AIMP1: variants seen among roughly 807,000 people sequenced by gnomAD.
AIMP1 encodes the protein aminoacyl tRNA synthase complex-interacting multifunctional protein 1.
AIMP1 carries 24 observed loss-of-function variants against 33.1 expected under a neutral mutation model. The observed-to-expected ratio is 0.73, with a 90% CI of 0.53 to 1.02. AIMP1 has a LOEUF of 1.02. Among genes scored for constraint, AIMP1 ranks in the 50% least tolerant of loss-of-function variants. The pLI is 0.00. For missense variants in AIMP1, 367 were observed against 364.8 expected, an observed-to-expected ratio of 1.01 and a Z score of -0.05; for synonymous variants, 120 against 121.5, an observed-to-expected ratio of 0.99 and a Z score of 0.08.
At chr4:106,336,843 T>C (rs759040897) in intron 5 of AIMP1, 26 bp from the exon 6 acceptor site, 1 of 1,607,064 alleles carries the variant, frequency 6.2e-7, no homozygotes, top group South Asian at 1.1e-5. Flanking sequence ...TGTACATCTT[T>C]ACTTACCAGT....
intron 6 of AIMP1, among the ~76,000 whole-genome samples, chr4:106,340,249 A>C (rs1770045851): frequency 6.6e-6 from 1 of 151,680 alleles, no homozygotes; most frequent in Non-Finnish European, 1.5e-5. Context: ...TTATTTTGTA[A>C]TGGTGCAATA....
In AIMP1 at chr4:106,327,339, A is replaced by C. The variant is rs1288218457; in HGVS notation, c.110-112A>C. 5 of 746,404 alleles carry C rather than the reference A, an allele frequency of 6.7e-6. No homozygotes were observed. In the Admixed American group the frequency reaches 1.1e-4, roughly 16 times the overall value. The allele number at this position is 746,404 out of a possible 1,614,324, so 46.2% of individuals were successfully genotyped here. A position where few individuals can be genotyped will look rare whatever the true frequency, so the allele number is the denominator to read the frequency against. On this transcript the variant is annotated intron_variant, in intron 2 of 6. Transcript: ENST00000672341. ...AGGCACTGGCCAAACATTTGGTTAC[A>C]CTAGAGCTAGTATTATCCTAGCTGT...
At chr4:106,334,208 A>C (rs560517758) in intron 5 of AIMP1, among the ~76,000 whole-genome samples, 1 of 152,262 alleles carries the variant, frequency 6.6e-6, no homozygotes, top group African/African-American at 2.4e-5. Context: ...GTATTTATTA[A>C]GCACCAAGCA....
At chr4:106,335,768 A>G (rs1477635474) in intron 5 of AIMP1, among the ~76,000 whole-genome samples, 1 of 151,982 alleles carries the variant, frequency 6.6e-6, no homozygotes, top group South Asian at 2.1e-4. Context: ...AAATTTGCAT[A>G]TAACATTTAT....
chr4:106,346,029 C>T (rs1770283890), intron 6 of AIMP1, among the ~76,000 whole-genome samples: 1 of 151,480 alleles, frequency 6.6e-6, no homozygotes. Flanking sequence ...AATTATACTT[C>T]AGCAATTTTT....
At chr4:106,324,252 A>G (rs995430942) in intron 1 of AIMP1, among the ~76,000 whole-genome samples, 4 of 152,050 alleles carry the variant, frequency 2.6e-5, no homozygotes, top group African/African-American at 9.6e-5. Context: ...AGAACAGTTC[A>G]TAGTATTACT....
chr4:106,338,542 G>A (rs1769979028), intron 6 of AIMP1, among the ~76,000 whole-genome samples: 1 of 152,216 alleles, frequency 6.6e-6, no homozygotes, highest in Non-Finnish European at 1.5e-5. Flanking sequence ...CAGAGGCACA[G>A]AACTGAGGTT....
At chr4:106,336,140 C>T (rs1435386235) in intron 5 of AIMP1, among the ~76,000 whole-genome samples, 1 of 144,764 alleles carries the variant, frequency 6.9e-6, no homozygotes, top group Admixed American at 7.2e-5. Context: ...TCAAGCGATC[C>T]TTCCACCTCA....
intron 1 of AIMP1, chr4:106,321,500 C>T (rs1012895707): frequency 6.4e-6 from 1 of 155,934 alleles, no homozygotes; most frequent in Non-Finnish European, 1.4e-5. Context: ...TGAGGAGCCC[C>T]TCCGCCCGGC....
At position 106,328,071 on chromosome 4, in the gene AIMP1, C is replaced by A; in HGVS notation, c.224-5C>A. On this transcript the variant is annotated splice_polypyrimidine_tract_variant and splice_region_variant and intron_variant, in intron 3 of 6. Transcript: ENST00000672341. Reference sequence around the variant, plus strand: ...TGAATGACATTATTTCATTTTCTGTCTCAGTGAAGCAAATACCATTTCCAT... The same window carrying A: ...TGAATGACATTATTTCATTTTCTGTATCAGTGAAGCAAATACCATTTCCAT... 6.2e-7 allele frequency: 1 copy of A among 1,610,326 alleles called. No homozygotes were observed. The highest frequency in any genetic ancestry group is 8.5e-7 in the Non-Finnish European group (1 of 1,177,014).
chr4:106,337,085 A>C, intron 6 of AIMP1, 48 bp downstream of exon 6: 1 of 1,530,034 alleles, frequency 6.5e-7, no homozygotes, highest in Middle Eastern at 1.7e-4. Context: ...TCAGTTCTCA[A>C]AGTGATGTTT....
rs538161356 is a variant in AIMP1 at position 106,345,698 on chromosome 4, G to A, written c.773-1828G>A. Among the ~76,000 whole-genome samples, 8 of 151,804 alleles carry A rather than the reference G, an allele frequency of 5.3e-5. No homozygotes were observed. In the South Asian group the frequency reaches 1.7e-3, roughly 31 times the overall value. On this transcript the variant is annotated intron_variant, in intron 6 of 6. Coordinates refer to ENST00000672341, the MANE Select transcript of AIMP1 (RefSeq NM_001142416.2). The stretch of plus-strand genomic sequence containing the variant: ...AGCCTGCATGTTAGAAGGCAATGTT[G>A]TATGTTCTTGCAGTTTCATAGTTTC...
rs546394478 is a variant in AIMP1 at position 106,343,453 on chromosome 4, G to C, written c.773-4073G>C. ...ATGAAAGCATGGAATAATTTCCTTG[G>C]AACTCATTTCTACTCTCCTAATCAA... On this transcript the variant is annotated intron_variant, in intron 6 of 6. Transcript: ENST00000672341. Among the ~76,000 whole-genome samples the C allele has an allele frequency of 5.9e-5, 9 of 152,144 alleles. No individual in the cohort carries two copies. The South Asian group carries it at 1.7e-3, about 28-fold the overall frequency.
rs565731869 is a variant in AIMP1, at chr4:106,342,139, T to A, written c.772+5102T>A. Among the ~76,000 whole-genome samples the A allele has an allele frequency of 2.0e-5, 3 of 152,350 alleles. No individual in the cohort carries two copies. In the South Asian group the frequency reaches 6.2e-4, roughly 32 times the overall value. Reference sequence around the variant, plus strand: ...GCTGCTGATTTTTGTGCATTGATTTTGTATCCAGAAACTTTACTAAAGTCA... The same window carrying A: ...GCTGCTGATTTTTGTGCATTGATTTAGTATCCAGAAACTTTACTAAAGTCA... On this transcript the variant is annotated intron_variant, in intron 6 of 6. Transcript: ENST00000672341.
intron 2 of AIMP1, among the ~76,000 whole-genome samples, chr4:106,325,519 TA>T (rs34520140): frequency 0.15 from 22,682 of 151,914 alleles, 1,830 homozygotes; most frequent in South Asian, 0.25. Context: ...TTATTTTTCT[TA>T]AAAATTCTTA....
chr4:106,316,151 C>G (rs1294761275), upstream of AIMP1: 1 of 162,154 alleles, frequency 6.2e-6, no homozygotes, highest in African/African-American at 2.4e-5. Flanking sequence ...CTTCGCGGAA[C>G]CCGGCGAGGA....
intron 1 of AIMP1, among the ~76,000 whole-genome samples, chr4:106,323,712 A>G (rs1769356070): frequency 1.3e-5 from 2 of 152,094 alleles, no homozygotes; most frequent in African/African-American, 4.8e-5. Context: ...TAATGATGAA[A>G]TATACTCAAT....
At chr4:106,318,414 A>G (rs1046239661) in intron 1 of AIMP1, among the ~76,000 whole-genome samples, 1 of 152,196 alleles carries the variant, frequency 6.6e-6, no homozygotes, top group African/African-American at 2.4e-5. Flanking sequence ...GGGGTATTTT[A>G]TGTATACTAT....
Position 106,337,020 on chromosome 4 carries a change from C to CT in AIMP1, c.759dup (p.Asp254Ter), listed in dbSNP as rs1769909929. On this transcript the variant is annotated frameshift_variant, in exon 6 of 7. Transcript: ENST00000672341. LOFTEE classifies it high-confidence loss of function. ...GGGTCTGTTCCTGGAGACAGAATTACTTTTGATGCTTTCCCAGGTAGGTAT... is the reference window on the plus strand; with the variant it reads ...GGGTCTGTTCCTGGAGACAGAATTACTTTTTGATGCTTTCCCAGGTAGGTAT... The CT allele has an allele frequency of 6.2e-7, 1 of 1,613,976 alleles. No individual in the cohort carries two copies. Among genetic ancestry groups the CT allele is most frequent in the African/African-American group, 1.3e-5 (1 of 75,034 alleles).
Sources: allele counts gnomAD v4.1 joint callset (sites outside exome capture counted in the v4.1 genomes callset), GRCh38; gene constraint gnomAD v4.1.1; transcripts MANE v1.5; gene names NCBI Gene and HGNC (gene_info 2026-07-23, HGNC 2026-07-21).